Variants in GRID2 observed in about 807,000 individuals in gnomAD.
GRID2 encodes glutamate receptor ionotropic, delta-2.
A neutral mutation model predicts 114.8 loss-of-function variants in GRID2; 33 were observed. The observed-to-expected ratio is 0.29, with a 90% confidence interval of 0.22 to 0.38. The LOEUF (loss-of-function observed/expected upper bound fraction) is 0.38, where lower values mean the gene tolerates loss of function less well. GRID2 is among the 10% of genes least tolerant of loss of function. The pLI, the probability that GRID2 is intolerant of heterozygous loss-of-function variation, is 1.00. For synonymous variants in GRID2, 505 were observed against 449.9 expected, an observed-to-expected ratio of 1.12 and a Z score of -1.55; for missense variants, 1,184 against 1,257.7, an observed-to-expected ratio of 0.94 and a Z score of 0.89.
intron 1 of GRID2, among the ~76,000 whole-genome samples, chr4:92,579,387 T>G (rs550227359): frequency 6.3e-4 from 96 of 152,238 alleles, no homozygotes; most frequent in African/African-American, 2.2e-3. Context: ...AGAGGATTAC[T>G]ACATTCCATG....
intron 2 of GRID2, among the ~76,000 whole-genome samples, chr4:92,751,351 TTGTC>T (rs1342538045): frequency 2.0e-5 from 3 of 152,180 alleles, no homozygotes; most frequent in African/African-American, 7.2e-5. Context: ...TTTCAATTAT[TTGTC>T]AGCTATAAGG....
chr4:92,305,449 G>A (rs941825554), intron 1 of GRID2, among the ~76,000 whole-genome samples: 3 of 152,186 alleles, frequency 2.0e-5, no homozygotes, highest in Non-Finnish European at 4.4e-5. Context: ...AACTGACCCC[G>A]GGGCGCTTGG....
At chr4:92,854,678 A>T (rs1454752036) in intron 2 of GRID2, among the ~76,000 whole-genome samples, 2 of 152,038 alleles carry the variant, frequency 1.3e-5, no homozygotes, top group African/African-American at 4.8e-5. Context: ...AAAAAATTAC[A>T]CAATAGTAAA....
chr4:92,508,824 G>A (rs1044619797), intron 1 of GRID2, among the ~76,000 whole-genome samples: 6 of 151,878 alleles, frequency 4.0e-5, no homozygotes, highest in Non-Finnish European at 7.4e-5. Context: ...GAGTTTAAGT[G>A]GAGAGAACAG....
chr4:92,607,951 A>G (rs562687105), intron 2 of GRID2, among the ~76,000 whole-genome samples: 20 of 152,074 alleles, frequency 1.3e-4, no homozygotes, highest in Non-Finnish European at 4.4e-5. Context: ...TTCAGTAGAA[A>G]AAGAGGTGAC....
At chr4:92,315,242 C>G (rs1725905534) in intron 1 of GRID2, among the ~76,000 whole-genome samples, 1 of 152,110 alleles carries the variant, frequency 6.6e-6, no homozygotes. Flanking sequence ...TCTATAAAAA[C>G]ATTTCATCAT....
intron 2 of GRID2, among the ~76,000 whole-genome samples, chr4:93,023,156 T>C (rs1382622466): frequency 6.6e-6 from 1 of 150,758 alleles, no homozygotes; most frequent in African/African-American, 2.4e-5. Flanking sequence ...TGTGTCTGTA[T>C]TGGGCATGTA....
At chr4:93,178,183 T>C (rs1739529990) in intron 4 of GRID2, among the ~76,000 whole-genome samples, 1 of 151,796 alleles carries the variant, frequency 6.6e-6, no homozygotes, top group South Asian at 2.1e-4. Context: ...AAGTGAAAGC[T>C]ACTGTATCCT....
chr4:93,318,017 A>G (rs2149203241), intron 8 of GRID2, among the ~76,000 whole-genome samples: 1 of 122,026 alleles, frequency 8.2e-6, no homozygotes, highest in African/African-American at 3.0e-5. Flanking sequence ...ATATATATAT[A>G]TATATTACTA....
intron 1 of GRID2, among the ~76,000 whole-genome samples, chr4:92,318,768 C>T (rs931703696): frequency 6.6e-6 from 1 of 152,052 alleles, no homozygotes; most frequent in African/African-American, 2.4e-5. Flanking sequence ...GCACCATGCC[C>T]AGCCAGCAGG....
chr4:92,866,630 G>C (rs1472128407), intron 2 of GRID2, among the ~76,000 whole-genome samples: 1 of 151,314 alleles, frequency 6.6e-6, no homozygotes, highest in Admixed American at 6.6e-5. Flanking sequence ...TGCAAGGTCC[G>C]CCTCCCGGGT....
chr4:92,820,046 T>A (rs1330961511), intron 2 of GRID2, among the ~76,000 whole-genome samples: 1 of 152,154 alleles, frequency 6.6e-6, no homozygotes, highest in Non-Finnish European at 1.5e-5. Flanking sequence ...TGAAACAATC[T>A]AGAACTGACA....
chr4:92,401,983 T>C (rs1313341180), intron 1 of GRID2, among the ~76,000 whole-genome samples: 1 of 152,208 alleles, frequency 6.6e-6, no homozygotes, highest in African/African-American at 2.4e-5. Context: ...ATCAACTAAG[T>C]TTATGAAATA....
At chr4:93,333,484 CAT>C (rs1405636357) in intron 8 of GRID2, among the ~76,000 whole-genome samples, 1 of 152,012 alleles carries the variant, frequency 6.6e-6, no homozygotes, top group Non-Finnish European at 1.5e-5. Flanking sequence ...TTTAAAATCA[CAT>C]GTGGCAAATT....
intron 2 of GRID2, among the ~76,000 whole-genome samples, chr4:92,856,290 C>A (rs958106969): frequency 6.6e-6 from 1 of 152,020 alleles, no homozygotes; most frequent in Admixed American, 6.6e-5. Context: ...TTTCTATACC[C>A]ACTATCTAAT....
chr4:92,433,137 G>A (rs2110343801), intron 1 of GRID2, among the ~76,000 whole-genome samples: 1 of 152,088 alleles, frequency 6.6e-6, no homozygotes, highest in East Asian at 1.9e-4. Context: ...ACGAAATCCT[G>A]TTTACTCTCC....
intron 14 of GRID2, among the ~76,000 whole-genome samples, chr4:93,683,337 C>A (rs1578562515): frequency 6.6e-6 from 1 of 152,012 alleles, no homozygotes; most frequent in African/African-American, 2.4e-5. Context: ...TACAACATAG[C>A]AGATGCAAGG....
intron 13 of GRID2, among the ~76,000 whole-genome samples, chr4:93,588,684 T>G (rs2149606917): frequency 6.6e-6 from 1 of 152,320 alleles, no homozygotes; most frequent in African/African-American, 2.4e-5. Flanking sequence ...CACAATTGCC[T>G]ACAGCAGATG....
At chr4:92,767,761 G>A (rs1002962980) in intron 2 of GRID2, among the ~76,000 whole-genome samples, 7 of 151,850 alleles carry the variant, frequency 4.6e-5, no homozygotes, top group Admixed American at 4.6e-4. Context: ...AGAATTTCAA[G>A]CCAGGCACAG....
Sources: allele counts gnomAD v4.1 joint callset (sites outside exome capture counted in the v4.1 genomes callset), GRCh38; gene constraint gnomAD v4.1.1; transcripts MANE v1.5; gene names NCBI Gene and HGNC (gene_info 2026-07-23, HGNC 2026-07-21).